PCDH15: variants seen among roughly 807,000 people sequenced by gnomAD.
PCDH15 encodes the protein protocadherin-15.
A neutral mutation model predicts 178.5 loss-of-function variants in PCDH15; 129 were observed. The ratio of observed to expected loss-of-function variants is 0.72; its 90% confidence interval spans 0.63 to 0.84. The LOEUF is 0.84. PCDH15 is among the 40% of genes least tolerant of loss of function. The pLI is 0.00. For missense variants in PCDH15, 2,230 were observed against 2,099.9 expected, an observed-to-expected ratio of 1.06 and a Z score of -1.21; for synonymous variants, 800 against 732.0, an observed-to-expected ratio of 1.09 and a Z score of -1.50.
chr10:53,823,483 A>G (rs553584451), intron 32 of PCDH15: 1 of 916,398 alleles, frequency 1.1e-6, no homozygotes, highest in East Asian at 2.4e-5. Context: ...AAACAACACT[A>G]ACCTACTAAA....
rs143918167 is a variant in PCDH15, at chr10:55,315,603, T to C, written c.-156+3996A>G. ...TCCACCCTCATCACCATCCCCACAT[T>C]TACATATCTACTCATCAACCTTGCT... On this transcript the variant is annotated intron_variant, in intron 1 of 5. Coordinates refer to the PCDH15 transcript ENST00000458638. Among the ~76,000 whole-genome samples, 1,397 of 152,262 alleles carry C rather than the reference T, an allele frequency of 9.2e-3. 30 individuals carry two copies. Among genetic ancestry groups the C allele is most frequent in the African/African-American group, 0.032 (1,325 of 41,542 alleles).
rs116072892 is a variant in PCDH15 at position 54,628,507 on chromosome 10, A to G, written c.91+35665T>C. On this transcript the variant is annotated intron_variant, in intron 2 of 37. Coordinates refer to ENST00000644397, the MANE Select transcript of PCDH15 (RefSeq NM_001384140.1). ...GTTAAAAGGTACAGGGAAGCAGACAAACCTTAAACTTGATAATACGTGGGA... is the reference window on the plus strand; with the variant it reads ...GTTAAAAGGTACAGGGAAGCAGACAGACCTTAAACTTGATAATACGTGGGA... 8.1e-3 allele frequency among the ~76,000 whole-genome samples: 1,235 copies of G among 152,294 alleles called. 20 individuals are homozygous for G. The highest frequency in any genetic ancestry group is 0.028 in the African/African-American group (1,176 of 41,568).
intron 26 of PCDH15, among the ~76,000 whole-genome samples, chr10:53,893,277 G>T (rs2081710018): frequency 1.3e-5 from 2 of 152,142 alleles, no homozygotes; most frequent in South Asian, 4.1e-4. Flanking sequence ...CATCAAGTCT[G>T]AGTTTCTAAT....
At chr10:54,274,950 T>C (rs1277849994) in intron 8 of PCDH15, among the ~76,000 whole-genome samples, 1 of 151,850 alleles carries the variant, frequency 6.6e-6, no homozygotes, top group Non-Finnish European at 1.5e-5. Context: ...ACAAGACAAA[T>C]AATTGGCAAC....
In PCDH15 at chr10:55,285,342, A is replaced by T. The variant is rs1326778285; in HGVS notation, c.-156+34257T>A. Among the ~76,000 whole-genome samples, 3 of 151,470 alleles carry T rather than the reference A, an allele frequency of 2.0e-5. No individual in the cohort carries two copies. The East Asian group carries it at 5.8e-4, about 29-fold the overall frequency. ...CACACATAAAATCAACTAATTTTTT[A>T]ATATATATTTAAGAAGTACTTTTAT... On this transcript the variant is annotated intron_variant, in intron 1 of 5. Coordinates refer to the PCDH15 transcript ENST00000458638.
intron 2 of PCDH15, among the ~76,000 whole-genome samples, chr10:55,443,205 A>T (rs1019712046): frequency 6.6e-6 from 1 of 152,138 alleles, no homozygotes; most frequent in East Asian, 1.9e-4. Flanking sequence ...AACCTAGGCA[A>T]TACCATTCAA....
chr10:55,588,886 A>G (rs1473366674), intron 2 of PCDH15, among the ~76,000 whole-genome samples: 2 of 152,042 alleles, frequency 1.3e-5, no homozygotes, highest in Non-Finnish European at 2.9e-5. Flanking sequence ...GTTTGAGACC[A>G]GCCTGACCAA....
intron 3 of PCDH15, among the ~76,000 whole-genome samples, chr10:54,408,331 G>T (rs17728345): frequency 1.3e-5 from 2 of 151,518 alleles, no homozygotes; most frequent in Non-Finnish European, 2.9e-5. Context: ...AAATATATGG[G>T]GATAAATGTA....
At chr10:54,655,675 T>C (rs1384633482) in intron 2 of PCDH15, 11 of 152,118 alleles carry the variant, frequency 7.2e-5, no homozygotes, top group Admixed American at 7.2e-4. Flanking sequence ...GAGTTTGTAT[T>C]TCTGAACCTG....
At chr10:55,320,105 C>T (rs1843849096), upstream of PCDH15, among the ~76,000 whole-genome samples, 1 of 152,160 alleles carries the variant, frequency 6.6e-6, no homozygotes, top group South Asian at 2.1e-4. Context: ...TGCTGCTTTG[C>T]CAGCATGCAC....
rs1564534036 is a variant in PCDH15, at chr10:53,822,430, CAAG to C, written c.4368-2203_4368-2201del. Reference sequence around the variant, plus strand: ...AAAGGAGAAATGTCAGGAGGAGGAGCAAGAGGAGCAGGAGCAGGAGGAGGAGAA... The same window carrying C: ...AAAGGAGAAATGTCAGGAGGAGGAGCAGGAGCAGGAGCAGGAGGAGGAGAA... On this transcript the variant is annotated intron_variant, in intron 32 of 37. Coordinates refer to ENST00000644397, the MANE Select transcript of PCDH15 (RefSeq NM_001384140.1). 1.9e-6 allele frequency: 3 copies of C among 1,578,280 alleles called. No individual in the cohort carries two copies. In the Admixed American group the frequency reaches 5.4e-5, roughly 28 times the overall value.
chr10:54,418,413 C>T (rs1371067260), intron 3 of PCDH15, among the ~76,000 whole-genome samples: 2 of 151,882 alleles, frequency 1.3e-5, no homozygotes, highest in African/African-American at 4.8e-5. Flanking sequence ...ATTCAAATGT[C>T]TGCAATTATC....
At chr10:55,369,313 C>T (rs2131987625) in intron 2 of PCDH15, among the ~76,000 whole-genome samples, 1 of 152,038 alleles carries the variant, frequency 6.6e-6, no homozygotes, top group Admixed American at 6.6e-5. Context: ...TATCAAGCAC[C>T]TGGCTCTCTA....
intron 2 of PCDH15, among the ~76,000 whole-genome samples, chr10:55,101,612 G>T (rs1842579267): frequency 6.6e-6 from 1 of 151,342 alleles, no homozygotes; most frequent in African/African-American, 2.4e-5. Context: ...ACCTTTACTG[G>T]CATATAAATT....
At chr10:55,438,128 C>G (rs959925531) in intron 2 of PCDH15, among the ~76,000 whole-genome samples, 1 of 151,764 alleles carries the variant, frequency 6.6e-6, no homozygotes, top group Admixed American at 6.6e-5. Flanking sequence ...AGCCCCTGCG[C>G]CTGGCCTCTC....
chr10:55,425,657 C>A (rs1198108464), intron 2 of PCDH15, among the ~76,000 whole-genome samples: 16 of 84,128 alleles, frequency 1.9e-4, no homozygotes. Context: ...ACTAGCTTTT[C>A]ACACACACAC....
chr10:53,939,094 T>C (rs1285245416), intron 24 of PCDH15, 139 bp from the exon 25 acceptor site: 3 of 815,478 alleles, frequency 3.7e-6, no homozygotes, highest in African/African-American at 3.4e-5. Context: ...GACAAAATGC[T>C]GGCTTTTGGA....
intron 2 of PCDH15, among the ~76,000 whole-genome samples, chr10:55,349,387 T>A (rs752828069): frequency 1.3e-5 from 2 of 152,180 alleles, no homozygotes; most frequent in African/African-American, 2.4e-5. Context: ...TAAAATATTT[T>A]TCTAGTCACA....
chr10:53,902,072 A>G (rs1160810550), intron 26 of PCDH15, among the ~76,000 whole-genome samples: 2 of 152,200 alleles, frequency 1.3e-5, no homozygotes, highest in African/African-American at 4.8e-5. Context: ...ACTAAATGAT[A>G]GAACTAAATC....
Sources: allele counts gnomAD v4.1 joint callset (sites outside exome capture counted in the v4.1 genomes callset), GRCh38; gene constraint gnomAD v4.1.1; transcripts MANE v1.5; gene names NCBI Gene and HGNC (gene_info 2026-07-23, HGNC 2026-07-21).